NLRP12: variants seen among roughly 807,000 people sequenced by gnomAD.
NLRP12 encodes NLR family pyrin domain containing 12.
NLRP12 carries 108 observed loss-of-function variants against 91.2 expected under a neutral mutation model. That is an observed-to-expected ratio of 1.18 (90% CI 1.01 to 1.39). The LOEUF is 1.39. Ranked by LOEUF, NLRP12 falls within the 40% of genes most tolerant of loss-of-function variation. The probability of loss-of-function intolerance (pLI) is 0.00; values close to 1 mark genes in which losing one functional copy is unlikely to be tolerated. For synonymous variants in NLRP12, 613 were observed against 566.7 expected, an observed-to-expected ratio of 1.08 and a Z score of -1.16; for missense variants, 1,530 against 1,352.7, an observed-to-expected ratio of 1.13 and a Z score of -2.06.
chr19:53,820,455 G>A (rs925392613), intron 1 of NLRP12, among the ~76,000 whole-genome samples: 3 of 150,216 alleles, frequency 2.0e-5, no homozygotes, highest in African/African-American at 4.9e-5. Context: ...ACTGGAACCC[G>A]GGAGGCGGAG....
At position 53,798,259 on chromosome 19, in the gene NLRP12, T is replaced by C. The variant is rs753280591; in HGVS notation, c.2911A>G (p.Arg971Gly). 3.3e-5 allele frequency: 54 copies of C among 1,614,086 alleles called. No individual in the cohort carries two copies. The highest frequency in any genetic ancestry group is 5.3e-5 in the African/African-American group (4 of 74,940). ...GATGCTCACCACAGTTTCTGGAGTC[T>C]GCAGGCGGGATGTTGCAGCCCCTCA... is the stretch of plus-strand genomic sequence containing the variant. ...LAEGLQHPAC[R>G]LQKLWLDSCG... is the part of the protein sequence containing the mutation. Residue 971 changes from arginine (R) to glycine (G), a missense_variant, in exon 8 of 10, where the codon AGA becomes GGA. Physicochemically the swap from Arg to Gly is moderately radical, Grantham distance 125. Transcript: ENST00000324134.
intron 3 of NLRP12, among the ~76,000 whole-genome samples, chr19:53,809,229 A>T (rs1404038459): frequency 8.7e-5 from 3 of 34,608 alleles, no homozygotes; most frequent in Non-Finnish European, 4.7e-4. Flanking sequence ...TAGTTTAAAA[A>T]AAAAAAAAAA....
rs778964105 is a variant in NLRP12, at chr19:53,794,055, G to C, written c.3180C>G (p.Gly1060=). The C allele has an allele frequency of 6.6e-5, 107 of 1,611,894 alleles. No homozygotes were observed. Among genetic ancestry groups the C allele is most frequent in the Non-Finnish European group, 6.8e-6 (8 of 1,178,114 alleles). Residue 1060 remains glycine, a synonymous_variant, in exon 10 of 10, where the codon GGC becomes GGG. Coordinates refer to ENST00000324134, the MANE Select transcript of NLRP12 (RefSeq NM_144687.4). ...AGCCAGCAGATAGGACCATTCAGCA[G>C]CCAATGTCCAAATAAGGTTTTGTTA... The part of the protein sequence containing the change: ...LRVTKPYLDI[G]C
intron 8 of NLRP12, among the ~76,000 whole-genome samples, chr19:53,796,710 G>A (rs906075478): frequency 6.6e-6 from 1 of 151,674 alleles, no homozygotes; most frequent in African/African-American, 2.4e-5. Context: ...AAATTATCTG[G>A]GTTAGGCCGG....
chr19:53,800,359 C>G (rs1341552683), intron 7 of NLRP12, among the ~76,000 whole-genome samples: 2 of 152,090 alleles, frequency 1.3e-5, no homozygotes, highest in African/African-American at 4.8e-5. Flanking sequence ...GTCCCAGCTA[C>G]TCAGGAGGCT....
At position 53,824,112 on chromosome 19, in the gene NLRP12, C is replaced by G; in HGVS notation, c.63G>C (p.Glu21Asp). 1 of 1,614,088 alleles carries G rather than the reference C, an allele frequency of 6.2e-7. No individual in the cohort carries two copies. Among genetic ancestry groups the G allele is most frequent in the Non-Finnish European group, 8.5e-7 (1 of 1,180,026 alleles). Residue 21 changes from glutamate (E) to aspartate (D), a missense_variant, in exon 1 of 10, where the codon GAG (glutamate) becomes GAC (aspartate). Glu to Asp is a conservative substitution (Grantham distance 45). Transcript: ENST00000324134. ...ACTTGAACTTCTTCAGTTCCACAGCCTCGAGTTCTTCCAAGTAGGTGGACA... is the reference window on the plus strand; with the variant it reads ...ACTTGAACTTCTTCAGTTCCACAGCGTCGAGTTCTTCCAAGTAGGTGGACA... ...CRLSTYLEELEAVELKKFKLY... is the reference protein window; with the variant it reads ...CRLSTYLEELDAVELKKFKLY...
Position 53,798,382 on chromosome 19 carries a change from A to G in NLRP12, c.2788T>C (p.Cys930Arg). Residue 930 changes from cysteine (C) to arginine (R), a missense_variant, in exon 8 of 10, where the codon TGT (cysteine) becomes CGT (arginine). Physicochemically the swap from Cys to Arg is radical, Grantham distance 180. Coordinates refer to ENST00000324134, the MANE Select transcript of NLRP12 (RefSeq NM_144687.4). ...LGICRLGSAA[C>R]EGLSVVLQAN... ...TGGAGCACCACAGAAAGACCCTCAC[A>G]GGCGGCAGAGCCCAGCCGGCAGATG... The G allele has an allele frequency of 6.2e-7, 1 of 1,614,134 alleles. No homozygotes were observed.
chr19:53,802,792 G>A (rs1311780562), intron 6 of NLRP12, among the ~76,000 whole-genome samples: 2 of 151,910 alleles, frequency 1.3e-5, no homozygotes, highest in Non-Finnish European at 2.9e-5. Flanking sequence ...TATTTTATTA[G>A]GGACAGGGTC....
At chr19:53,820,696 T>A (rs910663632) in intron 1 of NLRP12, among the ~76,000 whole-genome samples, 13 of 151,076 alleles carry the variant, frequency 8.6e-5, no homozygotes, top group East Asian at 3.9e-4. Flanking sequence ...AAATTATTTT[T>A]TTTTTTTTTG....
chr19:53,813,778 C>G (rs1568686598), intron 2 of NLRP12, among the ~76,000 whole-genome samples: 1 of 152,090 alleles, frequency 6.6e-6, no homozygotes, highest in Non-Finnish European at 1.5e-5. Flanking sequence ...ACTTCAACCT[C>G]CTGGGCTCAA....
intron 2 of NLRP12, among the ~76,000 whole-genome samples, chr19:53,812,009 G>A (rs556271239): frequency 6.6e-6 from 1 of 152,168 alleles, no homozygotes; most frequent in East Asian, 1.9e-4. Context: ...GGTCCAGGTG[G>A]GAGGATCGCC....
chr19:53,795,466 C>T (rs1191038977), intron 9 of NLRP12, among the ~76,000 whole-genome samples: 1 of 151,732 alleles, frequency 6.6e-6, no homozygotes. Context: ...GCTCCACCTC[C>T]CGGGTTCACG....
intron 3 of NLRP12, 76 bp from the exon 4 acceptor site, chr19:53,807,741 C>T (rs1004675115): frequency 3.5e-5 from 53 of 1,528,524 alleles, no homozygotes; most frequent in East Asian, 2.3e-4. Flanking sequence ...GTCATTTCAC[C>T]GTTTATGAAG....
intron 1 of NLRP12, among the ~76,000 whole-genome samples, chr19:53,823,491 TA>T (rs2092298072): frequency 2.6e-5 from 2 of 76,038 alleles, no homozygotes; most frequent in Non-Finnish European, 5.0e-5. Flanking sequence ...TATTTTAAAA[TA>T]TATTTATTTA....
chr19:53,797,022 C>T (rs1428204703), intron 8 of NLRP12, among the ~76,000 whole-genome samples: 1 of 151,978 alleles, frequency 6.6e-6, no homozygotes, highest in Non-Finnish European at 1.5e-5. Context: ...TAGATGATGC[C>T]TCATCCCATT....
At position 53,803,968 on chromosome 19, in the gene NLRP12, T is replaced by G. The variant is rs755338418; in HGVS notation, c.2569A>C (p.Arg857=). ...AGAACTCACCACAAAGTCCGTAGTC[T>G]GCAGACTGGGTGCCTCAGTCCCTGG... ...LCQGLRHPVC[R]LRTLWLKICR... The change falls in exon 6 of 10, where the codon AGA becomes CGA. Residue 857 remains arginine, a synonymous_variant. Transcript: ENST00000324134. The G allele has an allele frequency of 4.3e-6, 7 of 1,614,154 alleles. No homozygotes were observed. The highest frequency in any genetic ancestry group is 1.6e-4 in the Middle Eastern group (1 of 6,062).
At chr19:53,811,639 T>C (rs1165079170) in intron 2 of NLRP12, among the ~76,000 whole-genome samples, 1 of 151,582 alleles carries the variant, frequency 6.6e-6, no homozygotes, top group Non-Finnish European at 1.5e-5. Flanking sequence ...AATGGTGTGC[T>C]CCCTGCAACA....
At chr19:53,797,369 C>A (rs935034075) in intron 8 of NLRP12, among the ~76,000 whole-genome samples, 1 of 152,050 alleles carries the variant, frequency 6.6e-6, no homozygotes, top group Non-Finnish European at 1.5e-5. Context: ...ATGATCTGTC[C>A]GCCTTGGACT....
In NLRP12 at chr19:53,810,286, T is replaced by A; in HGVS notation, c.1373A>T (p.Gln458Leu). The A allele has an allele frequency of 6.2e-7, 1 of 1,614,016 alleles. No homozygotes were observed. ...GAPRLQPPPN[Q>L]RGLCSLAADG... ...TGCCGCCAAGGAGCACAACCCTCTCTGGTTGGGTGGGGGCTGGAGGCGCGG... is the reference window on the plus strand; with the variant it reads ...TGCCGCCAAGGAGCACAACCCTCTCAGGTTGGGTGGGGGCTGGAGGCGCGG... The change falls in exon 3 of 10, where the codon CAG becomes CTG. Residue 458 changes from glutamine to leucine, a missense_variant. Physicochemically the swap from Gln to Leu is moderately radical, Grantham distance 113. Coordinates refer to ENST00000324134, the MANE Select transcript of NLRP12 (RefSeq NM_144687.4).
Sources: allele counts gnomAD v4.1 joint callset (sites outside exome capture counted in the v4.1 genomes callset), GRCh38; gene constraint gnomAD v4.1.1; transcripts MANE v1.5; gene names NCBI Gene and HGNC (gene_info 2026-07-23, HGNC 2026-07-21).